GLB1L3: variants seen among roughly 807,000 people sequenced by gnomAD.
GLB1L3 encodes galactosidase beta 1 like 3, also known as beta-galactosidase-1-like protein 3.
Under a neutral mutation model 89.5 loss-of-function variants are expected in GLB1L3, and 89 were observed. The ratio of observed to expected loss-of-function variants is 0.99; its 90% confidence interval spans 0.84 to 1.19. The LOEUF is 1.19. Ranked by LOEUF, GLB1L3 falls within the 50% of genes most tolerant of loss-of-function variation. The pLI is 0.00. For synonymous variants in GLB1L3, 314 were observed against 312.3 expected (o/e 1.01, Z -0.06); for missense variants, 812 against 813.3 (o/e 1.00, Z 0.02).
intron 10 of GLB1L3, among the ~76,000 whole-genome samples, chr11:134,308,412 ACCACC>A (rs1942437772): frequency 9.3e-6 from 1 of 108,092 alleles, no homozygotes; most frequent in Non-Finnish European, 1.9e-5. Flanking sequence ...CATCACCACC[ACCACC>A]ATCATCACCA....
chr11:134,314,919 C>T (rs1942915073), intron 18 of GLB1L3, among the ~76,000 whole-genome samples: 1 of 152,072 alleles, frequency 6.6e-6, no homozygotes, highest in Non-Finnish European at 1.5e-5. Context: ...ACATAGATAA[C>T]ATAAATGTAC....
intron 18 of GLB1L3, among the ~76,000 whole-genome samples, chr11:134,316,484 G>A (rs960034956): frequency 3.3e-5 from 5 of 152,120 alleles, no homozygotes; most frequent in African/African-American, 1.2e-4. Context: ...AGGTTGCCAT[G>A]TTAGCCTAAC....
intron 9 of GLB1L3, among the ~76,000 whole-genome samples, chr11:134,302,196 G>T (rs934851743): frequency 6.6e-6 from 1 of 152,082 alleles, no homozygotes; most frequent in African/African-American, 2.4e-5. Flanking sequence ...CAGAAACAGC[G>T]ATTTCTCCTA....
At position 134,276,409 on chromosome 11, in the gene GLB1L3, T is replaced by G. The variant is rs953919187; in HGVS notation, c.-332T>G. On this transcript the variant is annotated 5_prime_UTR_variant, in exon 1 of 20. Transcript: ENST00000431683. ...TGTGCCAGCCGGCTGTCGACCCAGGTTAGGAAGCCCGAGGTCGGGGCGTTA... is the reference window on the plus strand; with the variant it reads ...TGTGCCAGCCGGCTGTCGACCCAGGGTAGGAAGCCCGAGGTCGGGGCGTTA... The G allele has an allele frequency of 3.7e-6, 1 of 268,712 alleles. No homozygotes were observed. Among genetic ancestry groups the G allele is most frequent in the Non-Finnish European group, 7.0e-6 (1 of 143,556 alleles). 16.6% of individuals were successfully genotyped at this position (268,712 alleles called of 1,614,324 possible).
chr11:134,316,611 T>G (rs1942991162), intron 18 of GLB1L3, among the ~76,000 whole-genome samples: 2 of 152,192 alleles, frequency 1.3e-5, no homozygotes, highest in South Asian at 4.1e-4. Context: ...TCAAGTAGAC[T>G]TCGGTATGTG....
At chr11:134,281,356 C>A in intron 3 of GLB1L3, 21 bp from the exon 4 acceptor site, 1 of 1,613,858 alleles carries the variant, frequency 6.2e-7, no homozygotes, top group South Asian at 1.1e-5. Flanking sequence ...ACTCATCATA[C>A]TTCCCTCTCA....
At chr11:134,313,364 C>G in intron 15 of GLB1L3, 32 bp from the exon 16 acceptor site, 1 of 1,535,918 alleles carries the variant, frequency 6.5e-7, no homozygotes. Flanking sequence ...TCCATGGCTG[C>G]GTGGTCTCCA....
At chr11:134,276,006 C>T (rs1343123848), upstream of GLB1L3, 1 of 152,532 alleles carries the variant, frequency 6.6e-6, no homozygotes, top group Non-Finnish European at 1.5e-5. Context: ...GTTGAATAGT[C>T]CCCACTGTCT....
At position 134,316,450 on chromosome 11, in the gene GLB1L3, ATTAG is replaced by A. The variant is rs1038756789; in HGVS notation, c.1779+2012_1779+2015del. Reference sequence around the variant, plus strand: ...AAGAGATGAATCATTTTAGTGTCTTATTAGTTGGATAATTGCTGCTTTAAGGTTG... The same window carrying A: ...AAGAGATGAATCATTTTAGTGTCTTATTGGATAATTGCTGCTTTAAGGTTG... On this transcript the variant is annotated intron_variant, in intron 18 of 19. Coordinates refer to ENST00000431683, the MANE Select transcript of GLB1L3 (RefSeq NM_001080407.3). Among the ~76,000 whole-genome samples, 14 of 152,300 alleles carry A rather than the reference ATTAG, an allele frequency of 9.2e-5. No homozygotes were observed. The South Asian group carries it at 1.9e-3, about 20-fold the overall frequency.
At chr11:134,303,612 G>A (rs1352970263) in intron 9 of GLB1L3, among the ~76,000 whole-genome samples, 4 of 152,216 alleles carry the variant, frequency 2.6e-5, no homozygotes, top group Admixed American at 6.5e-5. Flanking sequence ...CTCAGGGCAA[G>A]CACTGACTCT....
chr11:134,311,271 C>T (rs1453971143), intron 13 of GLB1L3, 101 bp downstream of exon 13: 8 of 859,118 alleles, frequency 9.3e-6, no homozygotes, highest in African/African-American at 3.3e-5. Flanking sequence ...AACAAATCCT[C>T]TGCATTTCAT....
At chr11:134,280,870 C>A (rs539202660) in intron 3 of GLB1L3, among the ~76,000 whole-genome samples, 1 of 152,260 alleles carries the variant, frequency 6.6e-6, no homozygotes, top group Admixed American at 6.5e-5. Flanking sequence ...GTGAACTATG[C>A]CTGGTATACC....
Position 134,310,653 on chromosome 11 carries a change from T to A in GLB1L3, c.1180+2T>A. The A allele has an allele frequency of 1.2e-6, 2 of 1,609,670 alleles. No homozygotes were observed. The highest frequency in any genetic ancestry group is 1.7e-6 in the Non-Finnish European group (2 of 1,176,244). Reference sequence around the variant, plus strand: ...AAAAACTCTTTCAATCTGTCTCAGGTACTCAGCACCCATTTAACTTACGGG... The same window carrying A: ...AAAAACTCTTTCAATCTGTCTCAGGAACTCAGCACCCATTTAACTTACGGG... On this transcript the variant is annotated splice_donor_variant, in intron 12 of 19. Transcript: ENST00000431683. LOFTEE classifies it high-confidence loss of function.
At chr11:134,318,508 C>A in intron 18 of GLB1L3, 123 bp from the exon 19 acceptor site, 1 of 654,186 alleles carries the variant, frequency 1.5e-6, no homozygotes. Flanking sequence ...ATATCCCACT[C>A]TAAACTCACC....
intron 9 of GLB1L3, among the ~76,000 whole-genome samples, chr11:134,300,259 T>A (rs1941868429): frequency 6.6e-6 from 1 of 152,060 alleles, no homozygotes; most frequent in Admixed American, 6.5e-5. Flanking sequence ...TCTCTGTGTG[T>A]GTCTGTGTCC....
chr11:134,276,527 C>G lies in GLB1L3; in HGVS notation c.-214C>G, dbSNP rs1303654174. On this transcript the variant is annotated 5_prime_UTR_variant, in exon 1 of 20. Transcript: ENST00000431683. The stretch of plus-strand genomic sequence containing the variant: ...CACCTGGAGCGCCGGCGGAGCTCGG[C>G]TGTCCCCGCGGGAGGGAGCCCGACG... The G allele has an allele frequency of 7.6e-6, 3 of 395,998 alleles. No homozygotes were observed. Among genetic ancestry groups the G allele is most frequent in the African/African-American group, 2.1e-5 (1 of 47,928 alleles). 24.5% of individuals were successfully genotyped at this position (395,998 alleles called of 1,614,324 possible).
intron 4 of GLB1L3, 62 bp from the exon 5 acceptor site, chr11:134,281,962 TG>T: frequency 7.6e-7 from 1 of 1,319,838 alleles, no homozygotes; most frequent in Non-Finnish European, 1.0e-6. Context: ...GTGATGCGTG[TG>T]GCCCCCACCC....
intron 3 of GLB1L3, among the ~76,000 whole-genome samples, chr11:134,281,075 T>C (rs1003659546): frequency 6.6e-6 from 1 of 152,260 alleles, no homozygotes; most frequent in African/African-American, 2.4e-5. Flanking sequence ...TTTTGTTCTC[T>C]TTTTTAATTT....
chr11:134,299,331 A>G (rs748454783), intron 9 of GLB1L3, among the ~76,000 whole-genome samples: 3 of 151,852 alleles, frequency 2.0e-5, no homozygotes, highest in Non-Finnish European at 2.9e-5. Context: ...ATCTCTTCCA[A>G]GTGTGTTCTT....
Sources: gnomAD v4.1 joint callset for allele counts (sites outside exome capture counted in the v4.1 genomes callset) on GRCh38, gnomAD v4.1.1 for gene constraint, MANE v1.5 for transcripts, NCBI Gene and HGNC (gene_info 2026-07-23, HGNC 2026-07-21) for gene names.